Variants in BLTP1 observed in about 807,000 individuals in gnomAD.
BLTP1 encodes the protein fragile site-associated protein.
At chr4:122,237,182 G>A in the BLTP1 span, 1 of 985,320 alleles carries the variant, frequency 1.0e-6, no homozygotes, top group Non-Finnish European at 1.2e-6. Context: ...TTTTCCATTA[G>A]CGGATTTACT....
At chr4:122,299,145 G>T in the BLTP1 span, 1 of 984,722 alleles carries the variant, frequency 1.0e-6, no homozygotes, top group Admixed American at 6.2e-5. Flanking sequence ...TGTATTTTTT[G>T]GCAAACATCA....
At chr4:122,234,805 A>G in the BLTP1 span, 1 of 1,612,834 alleles carries the variant, frequency 6.2e-7, no homozygotes, top group Non-Finnish European at 8.5e-7. Flanking sequence ...GATATCCTGA[A>G]GAATAAGAGG....
chr4:122,331,817 A>C, the BLTP1 span: 4 of 940,828 alleles, frequency 4.3e-6, no homozygotes, highest in African/African-American at 7.1e-5. Context: ...ACACACATGA[A>C]TTTCTCAGTG....
At chr4:122,225,755 G>A in the BLTP1 span, 3 of 152,154 alleles carry the variant, frequency 2.0e-5, no homozygotes, top group Admixed American at 2.0e-4. Flanking sequence ...TGGATGAAAA[G>A]CAATAGTCAT....
chr4:122,238,075 A>C, the BLTP1 span: 2 of 1,611,040 alleles, frequency 1.2e-6, no homozygotes, highest in African/African-American at 2.7e-5. Flanking sequence ...CACTTAACCC[A>C]CCTTTTGTTT....
the BLTP1 span, chr4:122,269,502 A>G: frequency 6.1e-6 from 6 of 985,110 alleles, no homozygotes; most frequent in Non-Finnish European, 7.2e-6. Flanking sequence ...ACATTCTTAC[A>G]ACTAACTCAT....
At chr4:122,226,670 C>T in the BLTP1 span, 1 of 1,611,132 alleles carries the variant, frequency 6.2e-7, no homozygotes, top group Middle Eastern at 1.7e-4. Context: ...GTTTAGAATG[C>T]TAACAGTGTT....
At chr4:122,182,763 A>G in the BLTP1 span, 2 of 985,168 alleles carry the variant, frequency 2.0e-6, no homozygotes. Flanking sequence ...TTCTCCTTTA[A>G]TTGTAATTGT....
chr4:122,222,051 A>G, the BLTP1 span: 2 of 261,302 alleles, frequency 7.7e-6, no homozygotes, highest in Non-Finnish European at 1.2e-5. Flanking sequence ...GAAGGAGTTC[A>G]TGGAGTAGAG....
At chr4:122,172,454 AT>A in the BLTP1 span, 59 of 343,046 alleles carry the variant, frequency 1.7e-4, no homozygotes, top group African/African-American at 1.3e-3. Context: ...TTAGAATATC[AT>A]TTACTGTAGC....
the BLTP1 span, chr4:122,243,085 T>C: frequency 1.9e-6 from 3 of 1,610,330 alleles, no homozygotes; most frequent in Non-Finnish European, 2.5e-6. Context: ...AAAAATATCA[T>C]GCTTTTAAAG....
the BLTP1 span, chr4:122,328,630 G>T: frequency 2.0e-6 from 2 of 980,364 alleles, no homozygotes; most frequent in Non-Finnish European, 2.4e-6. Context: ...ATAAAGATGT[G>T]GTTACGAGTA....
chr4:122,215,485 T>A, the BLTP1 span: 1 of 985,346 alleles, frequency 1.0e-6, no homozygotes, highest in Non-Finnish European at 1.2e-6. Context: ...GATCAGCTGT[T>A]TGGGGAGAAG....
the BLTP1 span, among the ~76,000 whole-genome samples, chr4:122,314,796 A>G: frequency 6.6e-6 from 1 of 152,140 alleles, no homozygotes; most frequent in Non-Finnish European, 1.5e-5. Context: ...ACCCACTTAG[A>G]CTAGATTAAC....
chr4:122,346,447 G>C, the BLTP1 span: 2 of 984,566 alleles, frequency 2.0e-6, no homozygotes, highest in Non-Finnish European at 2.4e-6. Context: ...AAAAAGGGAA[G>C]TGGTACTAAC....
chr4:122,172,049 C>T, the BLTP1 span: 1 of 606,782 alleles, frequency 1.6e-6, no homozygotes, highest in Non-Finnish European at 2.1e-6. Flanking sequence ...AATGGCATAT[C>T]ATCAAAATAA....
At chr4:122,265,569 A>G in the BLTP1 span, among the ~76,000 whole-genome samples, 1 of 152,326 alleles carries the variant, frequency 6.6e-6, no homozygotes, top group South Asian at 2.1e-4. Flanking sequence ...ATTGGAATTT[A>G]GAGTCAGTTA....
the BLTP1 span, among the ~76,000 whole-genome samples, chr4:122,218,164 G>C: frequency 6.6e-6 from 1 of 151,830 alleles, no homozygotes; most frequent in African/African-American, 2.4e-5. Flanking sequence ...CAAAGAACCA[G>C]CCTTTTGTTT....
chr4:122,273,500 A>G, the BLTP1 span: 32 of 890,864 alleles, frequency 3.6e-5, no homozygotes, highest in Non-Finnish European at 1.2e-5. Context: ...AAAAAAAAAA[A>G]TTGTCAGTTT....
Sources: allele counts gnomAD v4.1 joint callset (sites outside exome capture counted in the v4.1 genomes callset), GRCh38; gene constraint gnomAD v4.1.1; transcripts MANE v1.5; gene names NCBI Gene and HGNC (gene_info 2026-07-23, HGNC 2026-07-21).